The following HDAC9 variants were observed in gnomAD, a reference collection of about 807,000 sequenced individuals.
The protein encoded by HDAC9 is MEF-2 interacting transcription repressor (MITR) protein.
Under a neutral mutation model 139.4 loss-of-function variants are expected in HDAC9, and 41 were observed. The observed-to-expected ratio is 0.29, with a 90% CI of 0.23 to 0.38. The LOEUF (loss-of-function observed/expected upper bound fraction) is 0.38. Ranked by LOEUF, HDAC9 falls within the 10% of genes least tolerant of loss-of-function variation. HDAC9 has a pLI of 1.00. For synonymous variants in HDAC9, 517 were observed against 476.2 expected (o/e 1.09, Z -1.12); for missense variants, 1,147 against 1,297.0 (o/e 0.88, Z 1.78).
At chr7:18,337,113 C>A (rs1174257676) in intron 1 of HDAC9, among the ~76,000 whole-genome samples, 1 of 151,556 alleles carries the variant, frequency 6.6e-6, no homozygotes, top group Non-Finnish European at 1.5e-5. Context: ...TGGAGAAATT[C>A]ATGAACAACT....
intron 22 of HDAC9, among the ~76,000 whole-genome samples, chr7:18,913,968 G>A (rs1248130607): frequency 2.0e-5 from 3 of 152,004 alleles, no homozygotes; most frequent in African/African-American, 7.2e-5. Context: ...CTGAATGTTT[G>A]TGTCCTCTCA....
chr7:18,622,368 G>A (rs1840440226), intron 6 of HDAC9, among the ~76,000 whole-genome samples: 1 of 152,138 alleles, frequency 6.6e-6, no homozygotes, highest in Non-Finnish European at 1.5e-5. Context: ...CTGTCACCCA[G>A]GCTGGAGTGC....
chr7:18,796,125 T>C (rs920623377), intron 17 of HDAC9, among the ~76,000 whole-genome samples: 1 of 152,150 alleles, frequency 6.6e-6, no homozygotes, highest in Non-Finnish European at 1.5e-5. Context: ...TAATTTTTCT[T>C]GGAAAATAGA....
chr7:18,880,965 G>A (rs1412294525), intron 22 of HDAC9, among the ~76,000 whole-genome samples: 1 of 151,466 alleles, frequency 6.6e-6, no homozygotes, highest in Non-Finnish European at 1.5e-5. Flanking sequence ...TGCCTGTTTA[G>A]CAATGAGAAA....
chr7:18,648,208 A>G (rs1788039873), intron 10 of HDAC9, among the ~76,000 whole-genome samples: 1 of 152,004 alleles, frequency 6.6e-6, no homozygotes, highest in African/African-American at 2.4e-5. Context: ...TTTAACCTTT[A>G]TTCATACCAG....
chr7:18,972,743 A>G (rs1227247583), intron 24 of HDAC9, among the ~76,000 whole-genome samples: 1 of 152,270 alleles, frequency 6.6e-6, no homozygotes, highest in East Asian at 1.9e-4. Flanking sequence ...GATAGCCTCA[A>G]TAATTTACCT....
rs567545128 is a variant in HDAC9 at position 18,823,291 on chromosome 7, G to A, written c.2323-5870G>A. ...AAAGGGTAAGGAATGAGCAGGGTAG[G>A]AGATTGGAAGAACGAAAGGAAGGTA... On this transcript the variant is annotated intron_variant, in intron 17 of 25. Coordinates refer to ENST00000686413, the MANE Select transcript of HDAC9 (RefSeq NM_178425.4). Among the ~76,000 whole-genome samples, 4 of 152,312 alleles carry A rather than the reference G, an allele frequency of 2.6e-5. No individual in the cohort carries two copies. The South Asian group carries it at 8.3e-4, about 32-fold the overall frequency.
chr7:18,856,813 G>C (rs148519772), intron 21 of HDAC9, among the ~76,000 whole-genome samples: 14 of 152,232 alleles, frequency 9.2e-5, no homozygotes, highest in Admixed American at 9.2e-4. Context: ...TTGGGTCTCT[G>C]TGATTTTCCC....
At chr7:18,584,026 TG>T (rs1828649917) in intron 2 of HDAC9, among the ~76,000 whole-genome samples, 1 of 152,126 alleles carries the variant, frequency 6.6e-6, no homozygotes, top group Non-Finnish European at 1.5e-5. Context: ...CAGTTTGGCA[TG>T]GATGCTGGTC....
In HDAC9 at chr7:18,829,562, G is replaced by A. The variant is rs1224784893; in HGVS notation, c.2466+14G>A. ...ATTGTAGATCTGGTATGTATTCCTG[G>A]CCAGAGCTGCATTTTCAGTGATTCT... On this transcript the variant is annotated intron_variant, in intron 19 of 25. Transcript: ENST00000686413. 4.1e-6 allele frequency: 6 copies of A among 1,475,858 alleles called. No homozygotes were observed. The highest frequency in any genetic ancestry group is 4.7e-6 in the Non-Finnish European group (5 of 1,061,676). 91.4% of individuals were successfully genotyped at this position (1,475,858 alleles called of 1,614,324 possible). A position where few individuals can be genotyped will look rare whatever the true frequency, so the allele number is the denominator to read the frequency against.
chr7:18,301,423 A>G (rs974513096), intron 1 of HDAC9, among the ~76,000 whole-genome samples: 6 of 152,134 alleles, frequency 3.9e-5, no homozygotes, highest in African/African-American at 1.4e-4. Context: ...AAAGCAATCT[A>G]GATACATTAT....
chr7:18,121,027 C>G (rs565544729), intron 1 of HDAC9, among the ~76,000 whole-genome samples: 15 of 152,068 alleles, frequency 9.9e-5, no homozygotes, highest in Admixed American at 1.3e-4. Flanking sequence ...GAAAGAAGTG[C>G]GGAGAACCCC....
intron 1 of HDAC9, among the ~76,000 whole-genome samples, chr7:18,385,310 G>A (rs747049475): frequency 3.3e-5 from 5 of 151,808 alleles, no homozygotes; most frequent in Non-Finnish European, 7.4e-5. Flanking sequence ...GTTCAATAAC[G>A]TTCTTCTCAC....
chr7:18,383,290 T>C (rs1785603421), intron 1 of HDAC9, among the ~76,000 whole-genome samples: 2 of 152,198 alleles, frequency 1.3e-5, no homozygotes, highest in Admixed American at 1.3e-4. Context: ...TTACCTTCTT[T>C]CCCCATATTG....
intron 22 of HDAC9, among the ~76,000 whole-genome samples, chr7:18,921,167 G>C (rs1803679898): frequency 6.6e-6 from 1 of 152,224 alleles, no homozygotes; most frequent in African/African-American, 2.4e-5. Context: ...CAGGACATAG[G>C]CATGGGCAAG....
intron 1 of HDAC9, among the ~76,000 whole-genome samples, chr7:18,484,207 TG>T (rs1277910009): frequency 2.7e-5 from 4 of 147,200 alleles, no homozygotes; most frequent in African/African-American, 1.0e-4. Flanking sequence ...TAGCCAGTCA[TG>T]GTGGTGTGTG....
At chr7:18,621,713 C>G (rs1051992338) in intron 6 of HDAC9, among the ~76,000 whole-genome samples, 8 of 152,052 alleles carry the variant, frequency 5.3e-5, no homozygotes, top group Non-Finnish European at 1.0e-4. Context: ...TATATAAAAT[C>G]TAATTCATAA....
At chr7:18,312,723 G>A (rs1799398437) in intron 1 of HDAC9, among the ~76,000 whole-genome samples, 1 of 152,130 alleles carries the variant, frequency 6.6e-6, no homozygotes, top group African/African-American at 2.4e-5. Context: ...GTGTCAGGAA[G>A]TTGCTTGATC....
intron 23 of HDAC9, among the ~76,000 whole-genome samples, chr7:18,937,030 A>ATTTTTTTTTTTTTTTTTTTTTTTT (rs768350029): frequency 1.0e-5 from 1 of 96,696 alleles, no homozygotes; most frequent in Non-Finnish European, 1.9e-5. Context: ...GCTCTTGTTA[A>ATTTTTTTTTTTTTTTTTTTTTTTT]TTTTTTTTTT....
Sources: allele counts gnomAD v4.1 joint callset (sites outside exome capture counted in the v4.1 genomes callset), GRCh38; gene constraint gnomAD v4.1.1; transcripts MANE v1.5; gene names NCBI Gene and HGNC (gene_info 2026-07-23, HGNC 2026-07-21).